Variants in DNAJC17 observed in about 807,000 individuals in gnomAD.
DNAJC17 encodes dnaJ homolog subfamily C member 17.
A neutral mutation model predicts 48.1 loss-of-function variants in DNAJC17; 35 were observed. The observed-to-expected ratio is 0.73, with a 90% CI of 0.56 to 0.96. The LOEUF (loss-of-function observed/expected upper bound fraction) is 0.96, where lower values mean the gene tolerates loss of function less well. Ranked by LOEUF, DNAJC17 falls within the 50% of genes least tolerant of loss-of-function variation. The probability of loss-of-function intolerance (pLI) is 0.00; values close to 1 mark genes in which losing one functional copy is unlikely to be tolerated. For missense variants in DNAJC17, 355 were observed against 377.1 expected, an observed-to-expected ratio of 0.94 and a Z score of 0.48; for synonymous variants, 117 against 142.7, an observed-to-expected ratio of 0.82 and a Z score of 1.28.
rs904568715 is a variant in DNAJC17, at chr15:40,767,498, C to T, written c.*442G>A. ...CCAGCCCCAAAGGGCAGTGAATGGC[C>T]TTCTCTGAAACCCTGCGTCAAGCAG... On this transcript the variant is annotated 3_prime_UTR_variant, in exon 11 of 11. Coordinates refer to ENST00000220496, the MANE Select transcript of DNAJC17 (RefSeq NM_018163.3). 1.1e-6 allele frequency: 1 copy of T among 899,980 alleles called. No homozygotes were observed. The highest frequency in any genetic ancestry group is 1.6e-6 in the Non-Finnish European group (1 of 623,740). 55.7% of individuals were successfully genotyped at this position (899,980 alleles called of 1,614,324 possible).
rs774287216 is a variant in DNAJC17 at position 40,767,315 on chromosome 15, G to C, written c.*625C>G. 3 of 1,603,502 alleles carry C rather than the reference G, an allele frequency of 1.9e-6. No individual in the cohort carries two copies. Among genetic ancestry groups the C allele is most frequent in the East Asian group, 2.3e-5 (1 of 43,664 alleles). ...CGTGTGCTGAGCATGACGGGGGTGGGCCAGACGCTGGTGTGGTGTCTGCAC... is the reference window on the plus strand; with the variant it reads ...CGTGTGCTGAGCATGACGGGGGTGGCCCAGACGCTGGTGTGGTGTCTGCAC... On this transcript the variant is annotated 3_prime_UTR_variant, in exon 11 of 11. Transcript: ENST00000220496.
chr15:40,771,357 C>G (rs775509631), intron 10 of DNAJC17: 19 of 339,566 alleles, frequency 5.6e-5, no homozygotes, highest in South Asian at 1.1e-4. Context: ...CTACAGGAAC[C>G]AGGTAGAGGC....
Position 40,770,934 on chromosome 15 carries a change from C to CT in DNAJC17, c.792+2792dup, listed in dbSNP as rs752284418. ...TACCCCAGACCTCAGTGATCCCTTC[C>CT]TCTCCTTCAAAGTGGACCTGGGGAT... is the stretch of plus-strand genomic sequence containing the variant. On this transcript the variant is annotated intron_variant, in intron 10 of 10. Coordinates refer to ENST00000220496, the MANE Select transcript of DNAJC17 (RefSeq NM_018163.3). The surrounding 1 kb of genome is among the most constrained non-coding windows in gnomAD (Gnocchi z 5.0). 178 of 1,551,532 alleles carry CT rather than the reference C, an allele frequency of 1.1e-4. No individual in the cohort carries two copies. The African/African-American group carries it at 2.2e-3, about 19-fold the overall frequency.
rs1162095207 is a variant in DNAJC17 at position 40,765,343 on chromosome 15, C to G, written c.*2597G>C. 1 of 152,398 alleles carries G rather than the reference C, an allele frequency of 6.6e-6. No individual in the cohort carries two copies. The highest frequency in any genetic ancestry group is 2.4e-5 in the African/African-American group (1 of 41,456). 9.4% of individuals were successfully genotyped at this position (152,398 alleles called of 1,614,324 possible). A position where few individuals can be genotyped will look rare whatever the true frequency, so the allele number is the denominator to read the frequency against. On this transcript the variant is annotated 3_prime_UTR_variant, in exon 11 of 11. Transcript: ENST00000220496. ...AACCCTGTACCCACTGGCAGACACT[C>G]TTGATTTCCCCCAAGTCCCTCAGCC...
At chr15:40,775,154 C>G in intron 7 of DNAJC17, 46 bp from the exon 8 acceptor site, 2 of 1,591,494 alleles carry the variant, frequency 1.3e-6, no homozygotes, top group Non-Finnish European at 1.7e-6. Flanking sequence ...CTGAACAGTA[C>G]CTCACCCCAC....
At chr15:40,777,073 C>T (rs1221660774) in intron 4 of DNAJC17, among the ~76,000 whole-genome samples, 7 of 152,172 alleles carry the variant, frequency 4.6e-5, no homozygotes, top group Middle Eastern at 3.2e-3. Flanking sequence ...CCTCAACTCA[C>T]ATTTACCAAG....
At chr15:40,787,653 G>A (rs947335542) in intron 1 of DNAJC17, among the ~76,000 whole-genome samples, 3 of 152,058 alleles carry the variant, frequency 2.0e-5, no homozygotes, top group East Asian at 3.9e-4. Flanking sequence ...CTCTATAACC[G>A]GTTCTACCAC....
At chr15:40,795,267 G>C (rs539884692) in intron 1 of DNAJC17, among the ~76,000 whole-genome samples, 1 of 137,082 alleles carries the variant, frequency 7.3e-6, no homozygotes, top group Non-Finnish European at 1.6e-5. Context: ...GGAAGGAAGG[G>C]AGGAAGGGGA....
chr15:40,765,828 A>T lies in DNAJC17; in HGVS notation c.*2112T>A. The T allele has an allele frequency of 6.5e-7, 1 of 1,541,384 alleles. No homozygotes were observed. ...CAGCCACTGTGGCTTACCTTGCAGGAGGTGGGCCCCACTATGGTGGGCGAT... is the reference window on the plus strand; with the variant it reads ...CAGCCACTGTGGCTTACCTTGCAGGTGGTGGGCCCCACTATGGTGGGCGAT... On this transcript the variant is annotated 3_prime_UTR_variant, in exon 11 of 11. Transcript: ENST00000220496.
intron 1 of DNAJC17, among the ~76,000 whole-genome samples, chr15:40,789,097 CAAGAT>C (rs1889725143): frequency 6.6e-6 from 1 of 152,124 alleles, no homozygotes; most frequent in African/African-American, 2.4e-5. Context: ...CTGGTGGTAC[CAAGAT>C]AATACCAGAG....
chr15:40,792,580 C>T (rs578030794), intron 1 of DNAJC17: 18 of 968,202 alleles, frequency 1.9e-5, no homozygotes, highest in East Asian at 1.1e-4. Context: ...TTTGGGAGGC[C>T]GAGGCAGGAG....
intron 1 of DNAJC17, among the ~76,000 whole-genome samples, chr15:40,784,739 G>A (rs937637475): frequency 2.6e-5 from 4 of 152,248 alleles, no homozygotes. Context: ...CCAGAGTGGT[G>A]TCAGATAAAG....
Position 40,774,455 on chromosome 15 carries a change from C to G in DNAJC17, c.601-19G>C. The G allele has an allele frequency of 6.2e-7, 1 of 1,613,666 alleles. No individual in the cohort carries two copies. Among genetic ancestry groups the G allele is most frequent in the Non-Finnish European group, 8.5e-7 (1 of 1,179,906 alleles). On this transcript the variant is annotated intron_variant, in intron 8 of 10. Coordinates refer to ENST00000220496, the MANE Select transcript of DNAJC17 (RefSeq NM_018163.3). The stretch of plus-strand genomic sequence containing the variant: ...CACCATACTGTGGGGACAAAGGGGT[C>G]CTAATAAGCATGACTTGGCCTTCAG...
intron 1 of DNAJC17, among the ~76,000 whole-genome samples, chr15:40,794,756 C>A (rs368127031): frequency 7.2e-5 from 11 of 152,144 alleles, no homozygotes; most frequent in Non-Finnish European, 1.5e-4. Context: ...CTTGCTCTGT[C>A]GCCCAGGCTG....
At chr15:40,805,554 A>C (rs1315609423) in intron 1 of DNAJC17, among the ~76,000 whole-genome samples, 2 of 150,190 alleles carry the variant, frequency 1.3e-5, no homozygotes, top group Non-Finnish European at 3.0e-5. Flanking sequence ...CTCAAAAAAT[A>C]ATAATAGGCC....
rs1888939464 is a variant in DNAJC17, at chr15:40,766,024, A to T, written c.*1916T>A. The T allele has an allele frequency of 7.7e-6, 4 of 520,114 alleles. No individual in the cohort carries two copies. The highest frequency in any genetic ancestry group is 6.6e-5 in the South Asian group (2 of 30,122). 32.2% of individuals were successfully genotyped at this position (520,114 alleles called of 1,614,324 possible). ...GCCCAGGGACAGGGCCCAGCATCAGAGCCCCCTGCCTGCATCCTGGGGCTC... is the reference window on the plus strand; with the variant it reads ...GCCCAGGGACAGGGCCCAGCATCAGTGCCCCCTGCCTGCATCCTGGGGCTC... On this transcript the variant is annotated 3_prime_UTR_variant, in exon 11 of 11. Transcript: ENST00000220496.
Position 40,774,446 on chromosome 15 carries a change from C to T in DNAJC17, c.601-10G>A. On this transcript the variant is annotated splice_polypyrimidine_tract_variant and intron_variant, in intron 8 of 10. Transcript: ENST00000220496. ...TGAGAACCTCACCATACTGTGGGGACAAAGGGGTCCTAATAAGCATGACTT... is the reference window on the plus strand; with the variant it reads ...TGAGAACCTCACCATACTGTGGGGATAAAGGGGTCCTAATAAGCATGACTT... The T allele has an allele frequency of 6.2e-7, 1 of 1,613,856 alleles. No homozygotes were observed. Among genetic ancestry groups the T allele is most frequent in the Non-Finnish European group, 8.5e-7 (1 of 1,179,982 alleles).
intron 1 of DNAJC17, among the ~76,000 whole-genome samples, chr15:40,797,717 CTTTTTT>C (rs538219563): frequency 4.0e-5 from 4 of 98,958 alleles, no homozygotes; most frequent in African/African-American, 1.5e-4. Flanking sequence ...TGGCCGATCT[CTTTTTT>C]TTTTTTTTTT....
At chr15:40,783,500 T>G (rs1473202527) in intron 1 of DNAJC17, among the ~76,000 whole-genome samples, 1 of 152,202 alleles carries the variant, frequency 6.6e-6, no homozygotes, top group Admixed American at 6.5e-5. Flanking sequence ...GGACTAGGAC[T>G]AGTAGGCTTG....
Sources: allele counts gnomAD v4.1 joint callset (sites outside exome capture counted in the v4.1 genomes callset), GRCh38; gene constraint gnomAD v4.1.1; non-coding constraint Gnocchi (gnomAD v3.1); transcripts MANE v1.5; gene names NCBI Gene and HGNC (gene_info 2026-07-23, HGNC 2026-07-21).